Variants in MDFIC2 observed in about 807,000 individuals in gnomAD.
MDFIC2 encodes myoD family inhibitor domain-containing protein 2.
chr3:70,294,626 C>G (rs1702272336), intron 2 of MDFIC2, among the ~76,000 whole-genome samples: 1 of 152,112 alleles, frequency 6.6e-6, no homozygotes, highest in African/African-American at 2.4e-5. Flanking sequence ...CTGCAAATAA[C>G]AGAAAACGTC....
At chr3:70,305,662 C>T (rs9821744) in intron 2 of MDFIC2, among the ~76,000 whole-genome samples, 31,387 of 152,002 alleles carry the variant, frequency 0.21, 3,415 homozygotes, top group South Asian at 0.28. Context: ...CTGAGTTGAA[C>T]AAAATGCATA....
Position 70,300,565 on chromosome 3 carries a change from A to T in MDFIC2, c.88+11321T>A, listed in dbSNP as rs567963777. On this transcript the variant is annotated intron_variant, in intron 2 of 3. Transcript: ENST00000567252. ...TTAACCATGTTACTTTTCCCTGTTGAGTGTTTTCAAAAATTATATTTGATT... is the reference window on the plus strand; with the variant it reads ...TTAACCATGTTACTTTTCCCTGTTGTGTGTTTTCAAAAATTATATTTGATT... 1.6e-4 allele frequency among the ~76,000 whole-genome samples: 24 copies of T among 152,066 alleles called. No homozygotes were observed. The South Asian group carries it at 4.6e-3, about 29-fold the overall frequency.
intron 2 of MDFIC2, among the ~76,000 whole-genome samples, chr3:70,246,526 G>A (rs750117241): frequency 6.6e-6 from 1 of 151,970 alleles, no homozygotes; most frequent in Admixed American, 6.6e-5. Context: ...ACAGAAACAC[G>A]AGATGCACAA....
intron 2 of MDFIC2, among the ~76,000 whole-genome samples, chr3:70,217,929 G>T (rs1701430576): frequency 6.6e-6 from 1 of 152,138 alleles, no homozygotes; most frequent in African/African-American, 2.4e-5. Flanking sequence ...ATGTAGGATA[G>T]AAATAAGATG....
chr3:70,293,638 C>A (rs1376956362), intron 2 of MDFIC2, among the ~76,000 whole-genome samples: 1 of 152,028 alleles, frequency 6.6e-6, no homozygotes. Flanking sequence ...CCAAATAAGA[C>A]ATTTTTTTGT....
intron 2 of MDFIC2, among the ~76,000 whole-genome samples, chr3:70,219,427 C>T (rs2106735586): frequency 6.6e-6 from 1 of 152,080 alleles, no homozygotes; most frequent in African/African-American, 2.4e-5. Flanking sequence ...TTGATGTGAC[C>T]AAGAGAGCTG....
intron 2 of MDFIC2, among the ~76,000 whole-genome samples, chr3:70,305,898 G>C (rs2106705367): frequency 6.6e-6 from 1 of 152,224 alleles, no homozygotes; most frequent in African/African-American, 2.4e-5. Context: ...ATATTGAAAA[G>C]GGAATTTTTG....
At chr3:70,206,084 G>C (rs1701288294) in intron 3 of MDFIC2, among the ~76,000 whole-genome samples, 1 of 151,850 alleles carries the variant, frequency 6.6e-6, no homozygotes, top group African/African-American at 2.4e-5. Context: ...ATAATACCCA[G>C]GGGAACCACT....
chr3:70,250,328 C>T (rs998199816), intron 2 of MDFIC2, among the ~76,000 whole-genome samples: 4 of 151,192 alleles, frequency 2.6e-5, no homozygotes, highest in Non-Finnish European at 4.4e-5. Context: ...CTATTGCCAG[C>T]GACATTTTTT....
intron 2 of MDFIC2, among the ~76,000 whole-genome samples, chr3:70,250,434 C>G (rs1041955144): frequency 6.7e-6 from 1 of 150,296 alleles, no homozygotes; most frequent in Non-Finnish European, 1.5e-5. Flanking sequence ...CACACACACA[C>G]ACACACACAC....
intron 2 of MDFIC2, among the ~76,000 whole-genome samples, chr3:70,229,488 G>A (rs769726469): frequency 2.0e-5 from 3 of 152,150 alleles, no homozygotes; most frequent in Non-Finnish European, 2.9e-5. Flanking sequence ...CTGGGCACAC[G>A]GTTAAACTAT....
intron 2 of MDFIC2, among the ~76,000 whole-genome samples, chr3:70,278,359 G>T (rs985602585): frequency 2.6e-5 from 4 of 152,106 alleles, no homozygotes; most frequent in Non-Finnish European, 5.9e-5. Flanking sequence ...CCCAGTAGTT[G>T]GATATTATGA....
At chr3:70,248,030 T>G (rs1476490804) in intron 2 of MDFIC2, among the ~76,000 whole-genome samples, 1 of 152,008 alleles carries the variant, frequency 6.6e-6, no homozygotes, top group Non-Finnish European at 1.5e-5. Flanking sequence ...CTTTGTAGTA[T>G]TTGAAGGGTA....
At chr3:70,267,645 T>C (rs1207334436) in intron 2 of MDFIC2, among the ~76,000 whole-genome samples, 1 of 149,230 alleles carries the variant, frequency 6.7e-6, no homozygotes, top group African/African-American at 2.5e-5. Flanking sequence ...CTTGACCTCC[T>C]GACCTCGAGG....
At chr3:70,246,362 A>G (rs1280323005) in intron 2 of MDFIC2, among the ~76,000 whole-genome samples, 1 of 152,112 alleles carries the variant, frequency 6.6e-6, no homozygotes, top group Admixed American at 6.5e-5. Flanking sequence ...TGCTTGAACA[A>G]CACTGCTGTT....
At chr3:70,232,430 T>G (rs1194537379) in intron 2 of MDFIC2, among the ~76,000 whole-genome samples, 2 of 150,076 alleles carry the variant, frequency 1.3e-5, no homozygotes, top group African/African-American at 4.9e-5. Context: ...TGCGATGGAG[T>G]CTCGCTCTGT....
Position 70,195,289 on chromosome 3 carries a change from GAA to G in MDFIC2, c.*1635_*1636del, listed in dbSNP as rs1013986878. Among the ~76,000 whole-genome samples the G allele has an allele frequency of 6.6e-6, 1 of 152,116 alleles. No individual in the cohort carries two copies. Among genetic ancestry groups the G allele is most frequent in the Non-Finnish European group, 1.5e-5 (1 of 68,020 alleles). On this transcript the variant is annotated 3_prime_UTR_variant, in exon 4 of 4. Transcript: ENST00000567252. ...TGTTTCTTCGAGCTTCTGAAAAGCA[GAA>G]AGACTTTTTCATGGAAGGTGTGGGG...
chr3:70,216,696 C>T (rs180877111), intron 2 of MDFIC2, among the ~76,000 whole-genome samples: 75 of 152,254 alleles, frequency 4.9e-4, no homozygotes, highest in African/African-American at 1.7e-3. Context: ...AAAACATACT[C>T]AGGTCTCTGC....
chr3:70,279,651 T>C (rs2106680069), intron 2 of MDFIC2, among the ~76,000 whole-genome samples: 1 of 152,286 alleles, frequency 6.6e-6, no homozygotes, highest in Admixed American at 6.5e-5. Flanking sequence ...GAGTCCTATT[T>C]GCATTAAGCA....
Sources: allele counts gnomAD v4.1 joint callset (sites outside exome capture counted in the v4.1 genomes callset), GRCh38; gene constraint gnomAD v4.1.1; transcripts MANE v1.5; gene names NCBI Gene and HGNC (gene_info 2026-07-23, HGNC 2026-07-21).